TRPS1: variants seen among roughly 807,000 people sequenced by gnomAD.
The protein encoded by TRPS1 is transcriptional repressor GATA binding 1.
In TRPS1, 6 loss-of-function variants were observed where a neutral mutation model predicts 101.2. The ratio of observed to expected loss-of-function variants is 0.06; its 90% CI spans 0.03 to 0.12. The LOEUF (loss-of-function observed/expected upper bound fraction) is 0.12. Among genes scored for constraint, TRPS1 ranks in the 10% least tolerant of loss-of-function variants. The pLI is 1.00. For missense variants in TRPS1, 1,363 were observed against 1,567.0 expected (o/e 0.87, Z 2.20); for synonymous variants, 578 against 589.8 (o/e 0.98, Z 0.29).
intron 5 of TRPS1, among the ~76,000 whole-genome samples, chr8:115,502,148 T>C (rs921614409): frequency 6.6e-6 from 1 of 152,258 alleles, no homozygotes; most frequent in African/African-American, 2.4e-5. Flanking sequence ...TGCTGCAGAT[T>C]TGAATCGCCT....
intron 4 of TRPS1, among the ~76,000 whole-genome samples, chr8:115,593,663 A>G (rs912772199): frequency 4.6e-5 from 7 of 152,306 alleles, no homozygotes; most frequent in Non-Finnish European, 7.4e-5. Context: ...GTGAAAGTAC[A>G]TTAATTTGGA....
chr8:115,624,172 T>G (rs555085770), intron 1 of TRPS1, among the ~76,000 whole-genome samples: 52 of 152,078 alleles, frequency 3.4e-4, no homozygotes, highest in Non-Finnish European at 2.4e-4. Context: ...TCATTAGTTT[T>G]GGCAACTCTA....
intron 1 of TRPS1, among the ~76,000 whole-genome samples, chr8:115,667,427 A>T (rs1193024336): frequency 6.6e-6 from 1 of 152,208 alleles, no homozygotes; most frequent in Non-Finnish European, 1.5e-5. Flanking sequence ...CCTTTCAAAG[A>T]TGCGTTTCTC....
rs1563649362 is a variant in TRPS1, at chr8:115,619,899, G to C, written c.199C>G (p.Leu67Val). 2.5e-6 allele frequency: 4 copies of C among 1,614,106 alleles called. No individual in the cohort carries two copies. The highest frequency in any genetic ancestry group is 1.6e-4 in the Middle Eastern group (1 of 6,062). ...AAGCTATGTTCCTCCTTATGATTTA[G>C]TTCTGCAGCATCACTCTGATCCGTA... Reference protein sequence around the residue: ...ENTDQSDAAELNHKEEHSLHV... With the variant: ...ENTDQSDAAEVNHKEEHSLHV... The change falls in exon 3 of 7, where the codon CTA (leucine) becomes GTA (valine). Residue 67 changes from leucine to valine, a missense_variant. This residue lies in a region of TRPS1 where 1,020 missense variants were observed against 1,073.0 expected (regional missense o/e 0.95). Coordinates refer to ENST00000395715, the MANE Select transcript of TRPS1 (RefSeq NM_014112.5).
At chr8:115,654,747 G>A (rs1041301918) in intron 1 of TRPS1, among the ~76,000 whole-genome samples, 3 of 152,158 alleles carry the variant, frequency 2.0e-5, no homozygotes, top group East Asian at 3.9e-4. Flanking sequence ...TTGCTAAGGT[G>A]TCTGAAAAAA....
intron 5 of TRPS1, among the ~76,000 whole-genome samples, chr8:115,445,659 T>C (rs1030093563): frequency 2.0e-5 from 3 of 152,106 alleles, no homozygotes; most frequent in Non-Finnish European, 4.4e-5. Flanking sequence ...ATTAAATGAC[T>C]CAATATATAA....
At chr8:115,590,518 G>A (rs748240454) in intron 4 of TRPS1, among the ~76,000 whole-genome samples, 1 of 152,168 alleles carries the variant, frequency 6.6e-6, no homozygotes, top group Non-Finnish European at 1.5e-5. Context: ...AAATACCAGG[G>A]TGACAAGAAG....
intron 5 of TRPS1, among the ~76,000 whole-genome samples, chr8:115,443,699 C>T (rs1034927713): frequency 3.3e-5 from 5 of 152,116 alleles, no homozygotes; most frequent in Non-Finnish European, 7.4e-5. Flanking sequence ...ATCCACCTAG[C>T]AGGCTGGGGT....
At chr8:115,491,384 T>C (rs546580480) in intron 5 of TRPS1, among the ~76,000 whole-genome samples, 1 of 152,300 alleles carries the variant, frequency 6.6e-6, no homozygotes, top group East Asian at 1.9e-4. Flanking sequence ...ATTAGATCAT[T>C]ACCCATTCCA....
intron 1 of TRPS1, among the ~76,000 whole-genome samples, chr8:115,660,920 G>A (rs774268278): frequency 1.3e-4 from 19 of 151,848 alleles, no homozygotes; most frequent in Non-Finnish European, 2.4e-4. Flanking sequence ...TTTGGGTGAC[G>A]CACAGAATCC....
intron 5 of TRPS1, among the ~76,000 whole-genome samples, chr8:115,525,759 G>A (rs1422905540): frequency 1.3e-5 from 2 of 152,116 alleles, no homozygotes; most frequent in Non-Finnish European, 2.9e-5. Flanking sequence ...TCTATAAATT[G>A]TGCTACCATA....
rs771908918 is a variant in TRPS1 at position 115,410,593 on chromosome 8, T to C, written c.*3430A>G. ...TCCTTTTCTCATATACTTGGAGTCA[T>C]GTAGTGTCTCTCTCAATCCACAACG... On this transcript the variant is annotated 3_prime_UTR_variant, in exon 7 of 7. Transcript: ENST00000395715. 1 of 152,504 alleles carries C rather than the reference T, an allele frequency of 6.6e-6. No homozygotes were observed. Among genetic ancestry groups the C allele is most frequent in the Non-Finnish European group, 1.5e-5 (1 of 67,990 alleles). 9.4% of individuals were successfully genotyped at this position (152,504 alleles called of 1,614,324 possible).
chr8:115,624,240 C>T (rs555709374), intron 1 of TRPS1, among the ~76,000 whole-genome samples: 2 of 152,076 alleles, frequency 1.3e-5, no homozygotes, highest in African/African-American at 4.8e-5. Context: ...TACCTTACCC[C>T]TGGAAAAGTT....
intron 5 of TRPS1, among the ~76,000 whole-genome samples, chr8:115,554,265 T>C (rs1248313625): frequency 6.6e-6 from 1 of 152,172 alleles, no homozygotes; most frequent in Non-Finnish European, 1.5e-5. Context: ...TCTCCCTTTC[T>C]TTCAAGTCCT....
At chr8:115,518,027 T>TA (rs34783106) in intron 5 of TRPS1, among the ~76,000 whole-genome samples, 151,767 of 151,780 alleles carry the variant, frequency 1, 75,877 homozygotes, top group Middle Eastern at 1. Context: ...TCCACCAGTG[T>TA]AGGACAGGAA....
At chr8:115,611,725 C>T (rs181358975) in intron 3 of TRPS1, among the ~76,000 whole-genome samples, 16 of 152,302 alleles carry the variant, frequency 1.1e-4, no homozygotes, top group African/African-American at 3.6e-4. Flanking sequence ...TAAGACAATG[C>T]AAGCTGCTCT....
At chr8:115,490,627 C>T (rs1394216850) in intron 5 of TRPS1, among the ~76,000 whole-genome samples, 1 of 152,110 alleles carries the variant, frequency 6.6e-6, no homozygotes, top group Non-Finnish European at 1.5e-5. Context: ...TACCTTTCTG[C>T]TGTCATTCCT....
intron 5 of TRPS1, among the ~76,000 whole-genome samples, chr8:115,566,394 T>C (rs1295783076): frequency 6.6e-6 from 1 of 151,970 alleles, no homozygotes; most frequent in East Asian, 1.9e-4. Context: ...AAATAGAAAA[T>C]GGAAGTGATG....
rs770519171 is a variant in TRPS1 at position 115,619,436 on chromosome 8, T to C, written c.662A>G (p.Asp221Gly). The C allele has an allele frequency of 3.7e-6, 6 of 1,614,126 alleles. No homozygotes were observed. The highest frequency in any genetic ancestry group is 5.1e-6 in the Non-Finnish European group (6 of 1,180,058). ...AGACAGAGGTGCCGGGTCTGGGTTGTCATTCACCAGTAAGTCAGTTTTGGA... is the reference window on the plus strand; with the variant it reads ...AGACAGAGGTGCCGGGTCTGGGTTGCCATTCACCAGTAAGTCAGTTTTGGA... ...NKSKTDLLVN[D>G]NPDPAPLSPE... Residue 221 changes from aspartate to glycine, a missense_variant, in exon 3 of 7, where the codon GAC becomes GGC. Coordinates refer to ENST00000395715, the MANE Select transcript of TRPS1 (RefSeq NM_014112.5).
Sources: gnomAD v4.1 joint callset for allele counts (sites outside exome capture counted in the v4.1 genomes callset) on GRCh38, gnomAD v4.1.1 for gene constraint, gnomAD v4.1.1 regional missense constraint, MANE v1.5 for transcripts, NCBI Gene and HGNC (gene_info 2026-07-23, HGNC 2026-07-21) for gene names.